Variants in SORCS3 observed in about 807,000 individuals in gnomAD.
SORCS3 encodes the protein sortilin related VPS10 domain containing receptor 3, also known as VPS10 domain-containing receptor SorCS3.
In SORCS3, 57 loss-of-function variants were observed where a neutral mutation model predicts 146.3. The ratio of observed to expected loss-of-function variants is 0.39; its 90% CI spans 0.31 to 0.49. The LOEUF (loss-of-function observed/expected upper bound fraction) is 0.49, where lower values mean the gene tolerates loss of function less well. Ranked by LOEUF, SORCS3 falls within the 20% of genes least tolerant of loss-of-function variation. The probability of loss-of-function intolerance (pLI) is 0.92; values close to 1 mark genes in which losing one functional copy is unlikely to be tolerated. For synonymous variants in SORCS3, 653 were observed against 618.5 expected (o/e 1.06, Z -0.83); for missense variants, 1,341 against 1,575.5 (o/e 0.85, Z 2.52).
intron 1 of SORCS3, among the ~76,000 whole-genome samples, chr10:104,705,441 A>G (rs1020297878): frequency 6.6e-6 from 1 of 152,138 alleles, no homozygotes; most frequent in Non-Finnish European, 1.5e-5. Context: ...AGGTTCAACT[A>G]CATTTTTAAG....
chr10:104,894,520 G>C (rs1222215259), intron 2 of SORCS3, among the ~76,000 whole-genome samples: 1 of 152,230 alleles, frequency 6.6e-6, no homozygotes, highest in Admixed American at 6.5e-5. Flanking sequence ...CTGAGGAGGA[G>C]GAGGTTCAGA....
intron 1 of SORCS3, among the ~76,000 whole-genome samples, chr10:104,794,172 G>T (rs902291760): frequency 6.6e-6 from 1 of 152,164 alleles, no homozygotes; most frequent in Non-Finnish European, 1.5e-5. Flanking sequence ...AATTTCTGGA[G>T]CAGTCACGAT....
At chr10:105,003,655 T>C (rs907160215) in intron 4 of SORCS3, among the ~76,000 whole-genome samples, 25 of 152,204 alleles carry the variant, frequency 1.6e-4, no homozygotes, top group African/African-American at 5.1e-4. Context: ...TTTTCATTAA[T>C]TGTGCTTTTC....
intron 20 of SORCS3, among the ~76,000 whole-genome samples, chr10:105,223,590 A>G (rs2119672064): frequency 6.6e-6 from 1 of 152,358 alleles, no homozygotes; most frequent in Middle Eastern, 3.4e-3. Flanking sequence ...GTTACTTAGC[A>G]TCTCTGAGAT....
intron 7 of SORCS3, among the ~76,000 whole-genome samples, chr10:105,110,559 A>G (rs2055852877): frequency 6.6e-6 from 1 of 152,106 alleles, no homozygotes; most frequent in South Asian, 2.1e-4. Context: ...GCTCTGTTTC[A>G]GCTTAACAAG....
chr10:104,969,138 A>G (rs1414408451), intron 3 of SORCS3, among the ~76,000 whole-genome samples: 3 of 152,190 alleles, frequency 2.0e-5, no homozygotes, highest in East Asian at 1.9e-4. Flanking sequence ...CTCTGATTAT[A>G]TAAATAATAT....
At chr10:105,056,604 G>T (rs530193316) in intron 5 of SORCS3, among the ~76,000 whole-genome samples, 1 of 152,226 alleles carries the variant, frequency 6.6e-6, no homozygotes, top group African/African-American at 2.4e-5. Context: ...TTCTTGTGAT[G>T]CTTAAGTGCA....
intron 1 of SORCS3, among the ~76,000 whole-genome samples, chr10:104,666,799 G>A (rs1010469267): frequency 1.9e-4 from 29 of 152,146 alleles, no homozygotes; most frequent in African/African-American, 6.5e-4. Context: ...TAGAGATGGG[G>A]TCTCACTGTG....
chr10:105,170,267 C>G (rs1484335475), intron 13 of SORCS3, among the ~76,000 whole-genome samples: 1 of 152,070 alleles, frequency 6.6e-6, no homozygotes, highest in Non-Finnish European at 1.5e-5. Flanking sequence ...GGAAGGAAAC[C>G]ATCCAAGTTG....
chr10:105,120,555 C>G (rs1261650872), intron 7 of SORCS3, among the ~76,000 whole-genome samples: 4 of 152,124 alleles, frequency 2.6e-5, no homozygotes, highest in African/African-American at 7.2e-5. Context: ...GCATGGCAAT[C>G]TCCTTGCTCC....
intron 1 of SORCS3, among the ~76,000 whole-genome samples, chr10:104,762,777 C>T (rs1183400855): frequency 1.3e-5 from 2 of 152,186 alleles, no homozygotes; most frequent in East Asian, 3.9e-4. Context: ...TCTCCTGTAC[C>T]TTCCATCATG....
At chr10:105,030,369 G>A (rs1433582705) in intron 4 of SORCS3, among the ~76,000 whole-genome samples, 1 of 152,120 alleles carries the variant, frequency 6.6e-6, no homozygotes, top group Non-Finnish European at 1.5e-5. Flanking sequence ...CAGCTGGGAT[G>A]TCTGGATTCT....
chr10:105,218,883 C>G (rs1283380056), intron 19 of SORCS3, among the ~76,000 whole-genome samples: 1 of 152,054 alleles, frequency 6.6e-6, no homozygotes, highest in Non-Finnish European at 1.5e-5. Flanking sequence ...GGCGTTTTGG[C>G]ACAAGCCTGT....
At chr10:105,100,037 G>A (rs916612124) in intron 6 of SORCS3, among the ~76,000 whole-genome samples, 1 of 152,126 alleles carries the variant, frequency 6.6e-6, no homozygotes, top group Admixed American at 6.5e-5. Context: ...GAGATCCTTG[G>A]TCCCACGTCT....
chr10:104,918,784 C>T (rs556864876), intron 3 of SORCS3, among the ~76,000 whole-genome samples: 7 of 152,278 alleles, frequency 4.6e-5, no homozygotes, highest in East Asian at 1.9e-4. Flanking sequence ...TGCCCTACAG[C>T]GCTGATCTCT....
At chr10:104,664,456 C>T (rs1369825797) in intron 1 of SORCS3, among the ~76,000 whole-genome samples, 5 of 152,130 alleles carry the variant, frequency 3.3e-5, no homozygotes, top group African/African-American at 7.2e-5. Flanking sequence ...CACCATTCTT[C>T]GTTTTTACAG....
In SORCS3 at chr10:105,164,335, A is replaced by G. The variant is rs2056293973; in HGVS notation, c.1765A>G (p.Ile589Val). The change falls in exon 12 of 27, where the codon ATT (isoleucine) becomes GTT (valine). Residue 589 changes from isoleucine to valine, a missense_variant. Coordinates refer to ENST00000369701, the MANE Select transcript of SORCS3 (RefSeq NM_014978.3). Reference protein sequence around the residue: ...NIGPELSYTDIGVFISSDGGN... With the variant: ...NIGPELSYTDVGVFISSDGGN... ...TGGCCCGGAGCTCTCATATACTGAT[A>G]TTGGTGTGTTCATCTCCTCCGATGG... 1.9e-6 allele frequency: 3 copies of G among 1,613,564 alleles called. No homozygotes were observed. Among genetic ancestry groups the G allele is most frequent in the Non-Finnish European group, 2.5e-6 (3 of 1,179,722 alleles).
chr10:105,150,601 G>A (rs2056161532), intron 9 of SORCS3, among the ~76,000 whole-genome samples: 1 of 152,164 alleles, frequency 6.6e-6, no homozygotes. Context: ...GAGAAAGTAA[G>A]CTAGCCAGGC....
At chr10:105,134,670 C>G (rs2056046585) in intron 7 of SORCS3, among the ~76,000 whole-genome samples, 1 of 152,038 alleles carries the variant, frequency 6.6e-6, no homozygotes, top group Non-Finnish European at 1.5e-5. Context: ...GGCCCCAACT[C>G]TTAATACTGT....
Sources: allele counts gnomAD v4.1 joint callset (sites outside exome capture counted in the v4.1 genomes callset), GRCh38; gene constraint gnomAD v4.1.1; transcripts MANE v1.5; gene names NCBI Gene and HGNC (gene_info 2026-07-23, HGNC 2026-07-21).